The following FGF13 variants were observed in gnomAD, a reference collection of about 807,000 sequenced individuals.
FGF13 encodes the protein fibroblast growth factor homologous factor 2.
A neutral mutation model predicts 19.5 loss-of-function variants in FGF13; 2 were observed. The ratio of observed to expected loss-of-function variants is 0.10; its 90% CI spans 0.04 to 0.32. The LOEUF is 0.32. Ranked by LOEUF, FGF13 falls within the 10% of genes least tolerant of loss-of-function variation. FGF13 has a pLI of 1.00. For missense variants in FGF13, 113 were observed against 192.7 expected (o/e 0.59, Z 2.45); for synonymous variants, 72 against 76.9 (o/e 0.94, Z 0.33).
chrX:138,866,666 G>A (rs944908914), intron 1 of FGF13, among the ~76,000 whole-genome samples: 2 of 111,157 alleles, frequency 1.8e-5, no homozygotes, highest in Admixed American at 9.6e-5. Context: ...TGAGATGATA[G>A]CTAGGGTTAA....
chrX:138,746,889 T>C lies in FGF13; in HGVS notation c.218-37961A>G, dbSNP rs138063372. On this transcript the variant is annotated intron_variant, in intron 3 of 6. Transcript: ENST00000436198. ...CCAGGCAAATTAGCCTTTTGTAAGATGGCTAGTATGCAAGTCCCTTAGTAT... is the reference window on the plus strand; with the variant it reads ...CCAGGCAAATTAGCCTTTTGTAAGACGGCTAGTATGCAAGTCCCTTAGTAT... 1.2e-4 allele frequency among the ~76,000 whole-genome samples: 13 copies of C among 112,238 alleles called. No homozygotes were observed. The East Asian group carries it at 3.4e-3, about 29-fold the overall frequency.
chrX:138,929,998 A>G, intron 1 of FGF13, among the ~76,000 whole-genome samples: 1 of 111,153 alleles, frequency 9.0e-6, no homozygotes, highest in Non-Finnish European at 1.9e-5. Flanking sequence ...CAGAGAAGAC[A>G]TTTAATAAAG....
intron 1 of FGF13, among the ~76,000 whole-genome samples, chrX:139,072,850 G>C (rs1447803234): frequency 9.0e-6 from 1 of 111,437 alleles, no homozygotes; most frequent in East Asian, 2.8e-4. Context: ...ACATTTCTTA[G>C]ATTTATACTG....
chrX:138,647,095 G>T (rs181667487), intron 3 of FGF13, among the ~76,000 whole-genome samples: 2 of 109,856 alleles, frequency 1.8e-5, no homozygotes, highest in Non-Finnish European at 3.8e-5. Flanking sequence ...GGTGAAATCC[G>T]ATAGGCTGCC....
intron 3 of FGF13, among the ~76,000 whole-genome samples, chrX:138,846,053 T>C (rs1450988116): frequency 9.0e-6 from 1 of 111,113 alleles, no homozygotes; most frequent in African/African-American, 3.3e-5. Flanking sequence ...AGGGCTGTGA[T>C]TAATCTGGGC....
In FGF13 at chrX:138,619,688, T is replaced by G. The variant is rs2088999384; in HGVS notation, c.*13162A>C. 4.5e-5 allele frequency: 5 copies of G among 110,089 alleles called. No homozygotes were observed. The highest frequency in any genetic ancestry group is 1.9e-4 in the Admixed American group (2 of 10,373). 9.1% of individuals were successfully genotyped at this position (110,089 alleles called of 1,213,427 possible). A position where few individuals can be genotyped will look rare whatever the true frequency, so the allele number is the denominator to read the frequency against. ...AACAGACACTTCTCAAAAAAAGACA[T>G]TCATGAGGCCAACGAACATATGAAA... On this transcript the variant is annotated 3_prime_UTR_variant, in exon 5 of 5. Transcript: ENST00000315930.
At chrX:138,851,691 C>T (rs1266469082) in intron 3 of FGF13, among the ~76,000 whole-genome samples, 2 of 111,836 alleles carry the variant, frequency 1.8e-5, no homozygotes, top group South Asian at 3.7e-4. Context: ...CACTCCTATT[C>T]AACACAGTAT....
chrX:139,057,211 C>A (rs2092322789), intron 1 of FGF13, among the ~76,000 whole-genome samples: 1 of 110,901 alleles, frequency 9.0e-6, no homozygotes, highest in Admixed American at 9.6e-5. Flanking sequence ...ACTTGTCGCT[C>A]CAATTAAATC....
rs1452370791 is a variant in FGF13 at position 139,008,657 on chromosome X, A to C, written c.-112-144007T>G. ...CCATTCCTAGGGGAAGGGGGAGAAC[A>C]CCATATCAAGGGACCACCCCATGGG... On this transcript the variant is annotated intron_variant, in intron 1 of 2. Transcript: ENST00000421460. 2.7e-5 allele frequency among the ~76,000 whole-genome samples: 3 copies of C among 112,153 alleles called. No individual in the cohort carries two copies. In the Admixed American group the frequency reaches 2.8e-4, roughly 11 times the overall value.
chrX:138,824,674 T>G (rs2091021987), intron 3 of FGF13, among the ~76,000 whole-genome samples: 1 of 111,175 alleles, frequency 9.0e-6, no homozygotes, highest in African/African-American at 3.3e-5. Flanking sequence ...ACAGGCCAAA[T>G]TTTACTAAAT....
chrX:139,085,311 T>A (rs2083396725), intron 1 of FGF13, among the ~76,000 whole-genome samples: 1 of 111,914 alleles, frequency 8.9e-6, no homozygotes, highest in Admixed American at 9.5e-5. Flanking sequence ...CTTTGGGCAA[T>A]TTACATAATG....
chrX:139,152,368 T>G (rs1311463448), intron 1 of FGF13, among the ~76,000 whole-genome samples: 2 of 97,993 alleles, frequency 2.0e-5, no homozygotes, highest in African/African-American at 7.0e-5. Flanking sequence ...GGGCCTCCGA[T>G]GTGGGCCCAG....
chrX:138,817,536 T>C (rs961227270), intron 3 of FGF13, among the ~76,000 whole-genome samples: 3 of 112,082 alleles, frequency 2.7e-5, no homozygotes, highest in Admixed American at 1.9e-4. Context: ...GTAGGGTGCA[T>C]GTATGCTCTC....
chrX:138,770,299 T>C, intron 3 of FGF13, among the ~76,000 whole-genome samples: 1 of 111,518 alleles, frequency 9.0e-6, no homozygotes, highest in Non-Finnish European at 1.9e-5. Context: ...GTAAAGACCC[T>C]TTATAATTTG....
At chrX:138,933,460 T>G (rs914949953) in intron 1 of FGF13, among the ~76,000 whole-genome samples, 1 of 111,092 alleles carries the variant, frequency 9.0e-6, no homozygotes, top group Admixed American at 9.6e-5. Context: ...AGAGAAAAAG[T>G]TGTGTCCCCC....
At chrX:139,204,123 T>C, upstream of FGF13, 1 of 1,206,819 alleles carries the variant, frequency 8.3e-7, no homozygotes, top group Middle Eastern at 2.3e-4. Flanking sequence ...CCAGCTTGCT[T>C]GACAAGGTTC....
chrX:138,885,009 T>G (rs2124186126), intron 1 of FGF13, among the ~76,000 whole-genome samples: 1 of 112,328 alleles, frequency 8.9e-6, no homozygotes, highest in African/African-American at 3.2e-5. Context: ...ATGATCTGCC[T>G]TACCATCAGG....
At chrX:138,892,203 A>G (rs993886559) in intron 1 of FGF13, among the ~76,000 whole-genome samples, 1 of 111,313 alleles carries the variant, frequency 9.0e-6, no homozygotes, top group African/African-American at 3.3e-5. Flanking sequence ...GAATTCATAC[A>G]ATAACTGAGT....
At chrX:139,122,419 G>A (rs1200754769) in intron 1 of FGF13, among the ~76,000 whole-genome samples, 1 of 111,260 alleles carries the variant, frequency 9.0e-6, no homozygotes, top group Non-Finnish European at 1.9e-5. Context: ...GCTCCAAGCA[G>A]GTTTTCATCT....
Sources: gnomAD v4.1 joint callset for allele counts (sites outside exome capture counted in the v4.1 genomes callset) on GRCh38, gnomAD v4.1.1 for gene constraint, MANE v1.5 for transcripts, NCBI Gene and HGNC (gene_info 2026-07-23, HGNC 2026-07-21) for gene names.